DMGDH: variants seen among roughly 807,000 people sequenced by gnomAD.
DMGDH encodes dimethylglycine dehydrogenase, mitochondrial.
Under a neutral mutation model 95.2 loss-of-function variants are expected in DMGDH, and 76 were observed. The observed-to-expected ratio is 0.80, with a 90% CI of 0.66 to 0.97. The LOEUF is 0.97. Ranked by LOEUF, DMGDH falls within the 50% of genes least tolerant of loss-of-function variation. The pLI, the probability that DMGDH is intolerant of heterozygous loss-of-function variation, is 0.00. For missense variants in DMGDH, 987 were observed against 1,055.0 expected (o/e 0.94, Z 0.89); for synonymous variants, 345 against 377.6 (o/e 0.91, Z 1.00).
chr5:79,030,040 TA>T lies in DMGDH; in HGVS notation c.1684-7del, dbSNP rs1408635818. On this transcript the variant is annotated splice_region_variant and splice_polypyrimidine_tract_variant and intron_variant, in intron 10 of 15. Transcript: ENST00000255189. ...CTTATATTTGTAAAACCCACCTACATAAAAAAATTAAAAATTACCTTAGGAT... is the reference window on the plus strand; with the variant it reads ...CTTATATTTGTAAAACCCACCTACATAAAAAATTAAAAATTACCTTAGGAT... 2 of 1,609,254 alleles carry T rather than the reference TA, an allele frequency of 1.2e-6. No individual in the cohort carries two copies. Among genetic ancestry groups the T allele is most frequent in the Non-Finnish European group, 1.7e-6 (2 of 1,178,118 alleles).
At chr5:79,055,149 G>T (rs1044526312) in intron 3 of DMGDH, among the ~76,000 whole-genome samples, 11 of 152,238 alleles carry the variant, frequency 7.2e-5, no homozygotes, top group African/African-American at 2.7e-4. Flanking sequence ...AAAACTATAT[G>T]TTATTGAGAG....
rs1485717771 is a variant in DMGDH at position 79,024,205 on chromosome 5, C to T, written c.2250+66G>A. Reference sequence around the variant, plus strand: ...TACTTGGTTAAATTTTAAAGAATGGCTCTGTCACAAAATAGCATCATAATG... The same window carrying T: ...TACTTGGTTAAATTTTAAAGAATGGTTCTGTCACAAAATAGCATCATAATG... On this transcript the variant is annotated intron_variant, in intron 14 of 15. Transcript: ENST00000255189. The T allele has an allele frequency of 2.1e-6, 3 of 1,430,948 alleles. No homozygotes were observed. The African/African-American group carries it at 4.2e-5, about 20-fold the overall frequency. 88.6% of individuals were successfully genotyped at this position (1,430,948 alleles called of 1,614,324 possible).
Position 79,063,684 on chromosome 5 carries a change from C to A in DMGDH, c.205G>T (p.Ala69Ser), listed in dbSNP as rs865848521. The A allele has an allele frequency of 6.2e-7, 1 of 1,614,044 alleles. No homozygotes were observed. Among genetic ancestry groups the A allele is most frequent in the Non-Finnish European group, 8.5e-7 (1 of 1,180,034 alleles). ...CVGVSLAYHLAKAGMKDVVLL... is the reference protein window; with the variant it reads ...CVGVSLAYHLSKAGMKDVVLL... ...ACCACATCTTTCATCCCTGCTTTGG[C>A]CAGGTGATAAGCCAGACTCACACCA... is the stretch of plus-strand genomic sequence containing the variant. Residue 69 changes from alanine to serine, a missense_variant, in exon 2 of 16, where the codon GCC (alanine) becomes TCC (serine). By Grantham distance (99) the Ala-to-Ser change is moderately conservative. Transcript: ENST00000255189.
intron 14 of DMGDH, among the ~76,000 whole-genome samples, chr5:79,011,043 C>A (rs1346177067): frequency 1.3e-5 from 2 of 152,170 alleles, no homozygotes; most frequent in Non-Finnish European, 2.9e-5. Context: ...CAGTCTATGA[C>A]AATCTGAACT....
At chr5:79,046,659 T>C (rs1184458867) in intron 5 of DMGDH, among the ~76,000 whole-genome samples, 1 of 152,130 alleles carries the variant, frequency 6.6e-6, no homozygotes, top group Non-Finnish European at 1.5e-5. Context: ...AGTACAGGCG[T>C]TTTGGTCTTT....
intron 10 of DMGDH, among the ~76,000 whole-genome samples, chr5:79,030,316 G>A (rs1754124726): frequency 6.6e-6 from 1 of 152,076 alleles, no homozygotes; most frequent in Non-Finnish European, 1.5e-5. Flanking sequence ...AAGTCATAAG[G>A]TCCTTGGATG....
chr5:79,061,558 G>A (rs547842434), intron 2 of DMGDH, among the ~76,000 whole-genome samples: 8 of 152,182 alleles, frequency 5.3e-5, no homozygotes, highest in African/African-American at 1.7e-4. Flanking sequence ...TTAGATTAAG[G>A]GTATGTTGCT....
chr5:79,012,316 C>A (rs564132390), intron 14 of DMGDH, among the ~76,000 whole-genome samples: 18 of 152,336 alleles, frequency 1.2e-4, no homozygotes, highest in Admixed American at 6.5e-4. Context: ...CCAGGGCACA[C>A]TGGTGTGCCC....
intron 14 of DMGDH, among the ~76,000 whole-genome samples, chr5:79,010,861 A>G (rs1212641646): frequency 6.6e-6 from 1 of 152,158 alleles, no homozygotes; most frequent in East Asian, 1.9e-4. Context: ...AGAGACTGTG[A>G]TCATCAGGTA....
chr5:79,005,042 G>T lies in DMGDH; in HGVS notation c.2385+231C>A, dbSNP rs541636399. The stretch of plus-strand genomic sequence containing the variant: ...CAGTGTGTTTCAAGTCTTTGGGTTT[G>T]TTTTCTTTAAACAGAATATATAGAA... On this transcript the variant is annotated intron_variant, in intron 15 of 15. Transcript: ENST00000255189. Among the ~76,000 whole-genome samples, 31 of 152,224 alleles carry T rather than the reference G, an allele frequency of 2.0e-4. No individual in the cohort carries two copies. The East Asian group carries it at 5.6e-3, about 27-fold the overall frequency.
chr5:79,042,154 C>A (rs1429173493), intron 7 of DMGDH, 129 bp downstream of exon 7: 6 of 871,274 alleles, frequency 6.9e-6, no homozygotes. Context: ...CTCTCTGGGT[C>A]TCTCTCTGTT....
At chr5:79,066,092 A>G (rs1755371035) in intron 1 of DMGDH, among the ~76,000 whole-genome samples, 1 of 152,214 alleles carries the variant, frequency 6.6e-6, no homozygotes, top group South Asian at 2.1e-4. Context: ...CAAGAAATTT[A>G]ACATTGATAT....
rs1753513576 is a variant in DMGDH at position 79,004,672 on chromosome 5, A to G, written c.2385+601T>C. Among the ~76,000 whole-genome samples, 3 of 152,358 alleles carry G rather than the reference A, an allele frequency of 2.0e-5. No individual in the cohort carries two copies. The South Asian group carries it at 6.2e-4, about 32-fold the overall frequency. On this transcript the variant is annotated intron_variant, in intron 15 of 15. Coordinates refer to ENST00000255189, the MANE Select transcript of DMGDH (RefSeq NM_013391.3). The stretch of plus-strand genomic sequence containing the variant: ...AAGCTTGGGAGAAAAAATGGAGAAA[A>G]TAAAGTCCCATTGATACATTATCTG...
rs374196780 is a variant in DMGDH, at chr5:79,032,663, A to C, written c.1517+24T>G. On this transcript the variant is annotated intron_variant, in intron 9 of 15. Transcript: ENST00000255189. ...TGTTTCACCCCTCGGTCAGAACCAC[A>C]GGCAGGTAAAGTCCTTCTCCCACCT... 44 of 1,613,890 alleles carry C rather than the reference A, an allele frequency of 2.7e-5. No homozygotes were observed. The African/African-American group carries it at 5.5e-4, about 20-fold the overall frequency.
At position 79,051,359 on chromosome 5, in the gene DMGDH, T is replaced by C. The variant is rs779470000; in HGVS notation, c.673A>G (p.Arg225Gly). ...YPAPVTSLKA[R>G]SDGTWDVETP... ...TCAACGTCCCATGTTCCATCTGACC[T>C]GGCTTTCAGAGAAGTTACTGGTGCA... The change falls in exon 5 of 16, where the codon AGG (arginine) becomes GGG (glycine). Residue 225 changes from arginine (R) to glycine (G), a missense_variant. Transcript: ENST00000255189. 2 of 1,614,222 alleles carry C rather than the reference T, an allele frequency of 1.2e-6. No individual in the cohort carries two copies. Among genetic ancestry groups the C allele is most frequent in the Non-Finnish European group, 1.7e-6 (2 of 1,180,046 alleles).
chr5:79,030,409 TG>T (rs1316057850), intron 10 of DMGDH: 28 of 250,932 alleles, frequency 1.1e-4, no homozygotes, highest in Non-Finnish European at 3.1e-5. Flanking sequence ...CCCAGCACTT[TG>T]GGAGGCTGAG....
chr5:79,044,874 A>C (rs1476948650), intron 5 of DMGDH, among the ~76,000 whole-genome samples: 1 of 152,218 alleles, frequency 6.6e-6, no homozygotes, highest in African/African-American at 2.4e-5. Flanking sequence ...CAACCCAAAT[A>C]TACAAAAGGC....
chr5:79,064,961 G>T (rs1755329026), intron 1 of DMGDH, among the ~76,000 whole-genome samples: 1 of 152,082 alleles, frequency 6.6e-6, no homozygotes, highest in Admixed American at 6.6e-5. Context: ...TGTTGGCCAG[G>T]CTGGTCTTGA....
intron 5 of DMGDH, among the ~76,000 whole-genome samples, chr5:79,045,183 T>C (rs1754636751): frequency 6.6e-6 from 1 of 152,208 alleles, no homozygotes; most frequent in South Asian, 2.1e-4. Flanking sequence ...TTGAATAAGT[T>C]TGTAAGATCC....
Sources: allele counts gnomAD v4.1 joint callset (sites outside exome capture counted in the v4.1 genomes callset), GRCh38; gene constraint gnomAD v4.1.1; transcripts MANE v1.5; gene names NCBI Gene and HGNC (gene_info 2026-07-23, HGNC 2026-07-21).